POF1B: variants seen among roughly 807,000 people sequenced by gnomAD.
POF1B encodes protein POF1B.
In POF1B, 53 loss-of-function variants were observed where a neutral mutation model predicts 55.3. That is an observed-to-expected ratio of 0.96 (90% CI 0.77 to 1.20). The LOEUF (loss-of-function observed/expected upper bound fraction) is 1.20, where lower values mean the gene tolerates loss of function less well. POF1B is among the 50% of genes most tolerant of loss of function. The pLI, the probability that POF1B is intolerant of heterozygous loss-of-function variation, is 0.00. For missense variants in POF1B, 478 were observed against 420.5 expected, an observed-to-expected ratio of 1.14 and a Z score of -1.20; for synonymous variants, 188 against 148.3, an observed-to-expected ratio of 1.27 and a Z score of -1.95.
intron 5 of POF1B, among the ~76,000 whole-genome samples, chrX:85,349,513 G>C (rs1340126061): frequency 9.0e-6 from 1 of 111,075 alleles, no homozygotes; most frequent in African/African-American, 3.3e-5. Context: ...AGATAATCAA[G>C]TCATTAGGAT....
chrX:85,320,997 G>A (rs1195367271), intron 7 of POF1B, among the ~76,000 whole-genome samples: 5 of 110,536 alleles, frequency 4.5e-5, no homozygotes, highest in African/African-American at 6.6e-5. Context: ...ATTCACAGCC[G>A]AATTCTACCA....
intron 7 of POF1B, among the ~76,000 whole-genome samples, chrX:85,325,786 T>A (rs1932890420): frequency 8.9e-6 from 1 of 112,042 alleles, no homozygotes; most frequent in Non-Finnish European, 1.9e-5. Context: ...GCACTGGTTA[T>A]CTCTAATCTT....
chrX:85,371,830 G>A (rs958381714), intron 2 of POF1B, among the ~76,000 whole-genome samples: 1 of 111,358 alleles, frequency 9.0e-6, no homozygotes, highest in Admixed American at 9.6e-5. Context: ...TGTAAAACGC[G>A]TGGTACATTT....
chrX:85,298,268 G>A lies in POF1B; in HGVS notation c.1649+5138C>T, dbSNP rs1036863233. The stretch of plus-strand genomic sequence containing the variant: ...GAATGGGTGCCTATGGCCACATTTT[G>A]TTGCAGCTGTTCCACATGTAAAACC... On this transcript the variant is annotated intron_variant, in intron 15 of 16. Transcript: ENST00000262753. Among the ~76,000 whole-genome samples the A allele has an allele frequency of 2.7e-5, 3 of 112,251 alleles. No homozygotes were observed. The South Asian group carries it at 1.1e-3, about 42-fold the overall frequency.
intron 15 of POF1B, among the ~76,000 whole-genome samples, chrX:85,301,009 A>G (rs1207524722): frequency 8.9e-6 from 1 of 112,174 alleles, no homozygotes; most frequent in Non-Finnish European, 1.9e-5. Flanking sequence ...AAGAATGAAG[A>G]AAAATAAACA....
intron 4 of POF1B, among the ~76,000 whole-genome samples, chrX:85,353,754 C>A (rs1337297811): frequency 9.0e-6 from 1 of 111,225 alleles, no homozygotes; most frequent in East Asian, 2.8e-4. Flanking sequence ...TATATCAAGA[C>A]CACCTGCTCA....
chrX:85,377,377 A>G (rs1175464461), intron 2 of POF1B, among the ~76,000 whole-genome samples: 1 of 111,876 alleles, frequency 8.9e-6, no homozygotes, highest in East Asian at 2.8e-4. Flanking sequence ...CTTTTAGTGG[A>G]TTTGTGAATG....
rs138853198 is a variant in POF1B, at chrX:85,345,933, G to A, written c.650C>T (p.Thr217Ile). Reference protein sequence around the residue: ...PDSSQQIQAITGNNPISTHIG... With the variant: ...PDSSQQIQAIIGNNPISTHIG... ...ATGTGTAGAAATTGGATTATTTCCTGTGATGGCTTGGATTTGCTGGCTAGA... is the reference window on the plus strand; with the variant it reads ...ATGTGTAGAAATTGGATTATTTCCTATGATGGCTTGGATTTGCTGGCTAGA... The change falls in exon 6 of 17, where the codon ACA (threonine) becomes ATA (isoleucine). Residue 217 changes from threonine (T) to isoleucine (I), a missense_variant. Thr to Ile is a moderately conservative substitution (Grantham distance 89). Transcript: ENST00000262753. The A allele has an allele frequency of 9.1e-6, 11 of 1,206,169 alleles. No individual in the cohort carries two copies. In the African/African-American group the frequency reaches 1.9e-4, roughly 21 times the overall value.
At chrX:85,357,154 A>G (rs957856586) in intron 4 of POF1B, among the ~76,000 whole-genome samples, 4 of 111,023 alleles carry the variant, frequency 3.6e-5, no homozygotes, top group African/African-American at 1.3e-4. Context: ...TTTCCTGCAC[A>G]TCTCAAAAAT....
chrX:85,352,933 T>C (rs1933417921), intron 4 of POF1B, among the ~76,000 whole-genome samples: 1 of 111,586 alleles, frequency 9.0e-6, no homozygotes, highest in Admixed American at 9.6e-5. Context: ...CAAGAACCTA[T>C]GTGGCCAGCA....
At chrX:85,299,320 G>A (rs1172432843) in intron 15 of POF1B, among the ~76,000 whole-genome samples, 6 of 95,024 alleles carry the variant, frequency 6.3e-5, no homozygotes, top group African/African-American at 2.4e-4. Context: ...ACGGAGTCTC[G>A]CTCTGTCGCC....
chrX:85,306,432 T>C lies in POF1B; in HGVS notation c.1165-99A>G. ...ATTCAATTGAATCAAGTAAATATTT[T>C]CCTATGCCCAGTTTTCTTATACTCT... On this transcript the variant is annotated intron_variant, in intron 11 of 16. Coordinates refer to ENST00000262753, the MANE Select transcript of POF1B (RefSeq NM_024921.4). 6 of 864,806 alleles carry C rather than the reference T, an allele frequency of 6.9e-6. No individual in the cohort carries two copies. The South Asian group carries it at 1.5e-4, about 22-fold the overall frequency. The allele number at this position is 864,806 out of a possible 1,213,427, so 71.3% of individuals were successfully genotyped here. A position where few individuals can be genotyped will look rare whatever the true frequency, so the allele number is the denominator to read the frequency against.
chrX:85,331,162 A>C lies in POF1B; in HGVS notation c.724-83T>G, dbSNP rs1932972413. ...TATTTTTATGTGAAGCGAAAGAAAG[A>C]TAACCTACTAAAGTCATCACATAAA... On this transcript the variant is annotated intron_variant, in intron 6 of 16. Transcript: ENST00000262753. The C allele has an allele frequency of 3.1e-6, 3 of 979,525 alleles. No homozygotes were observed. In the African/African-American group the frequency reaches 5.9e-5, roughly 19 times the overall value. 80.7% of individuals were successfully genotyped at this position (979,525 alleles called of 1,213,427 possible).
chrX:85,327,969 C>T (rs1273038478), intron 7 of POF1B, among the ~76,000 whole-genome samples: 1 of 110,711 alleles, frequency 9.0e-6, no homozygotes, highest in Non-Finnish European at 1.9e-5. Context: ...CCACTAATTG[C>T]TGAATTGCAT....
chrX:85,338,622 A>G (rs1296879659), intron 6 of POF1B, among the ~76,000 whole-genome samples: 1 of 111,680 alleles, frequency 9.0e-6, no homozygotes, highest in Non-Finnish European at 1.9e-5. Context: ...TCTCATAAAC[A>G]ATGGGAATTC....
chrX:85,323,797 A>G (rs1011912940), intron 7 of POF1B, among the ~76,000 whole-genome samples: 1 of 109,294 alleles, frequency 9.1e-6, no homozygotes, highest in Non-Finnish European at 1.9e-5. Flanking sequence ...GTTCCTCTAG[A>G]TGTGGTTTTG....
chrX:85,317,924 A>T (rs1932801717), intron 7 of POF1B, among the ~76,000 whole-genome samples: 1 of 111,853 alleles, frequency 8.9e-6, no homozygotes, highest in Non-Finnish European at 1.9e-5. Flanking sequence ...TTGCAGGGAC[A>T]TGGATGGAGC....
chrX:85,322,889 A>C (rs1426786178), intron 7 of POF1B, among the ~76,000 whole-genome samples: 1 of 111,224 alleles, frequency 9.0e-6, no homozygotes, highest in Non-Finnish European at 1.9e-5. Flanking sequence ...TCAAAACCAC[A>C]ATGAGATACC....
At chrX:85,357,062 T>A (rs1220487784) in intron 4 of POF1B, among the ~76,000 whole-genome samples, 2 of 111,345 alleles carry the variant, frequency 1.8e-5, no homozygotes, top group Admixed American at 1.9e-4. Context: ...TTCATTTTCC[T>A]CAACTCCTGT....
Sources: allele counts gnomAD v4.1 joint callset (sites outside exome capture counted in the v4.1 genomes callset), GRCh38; gene constraint gnomAD v4.1.1; transcripts MANE v1.5; gene names NCBI Gene and HGNC (gene_info 2026-07-23, HGNC 2026-07-21).